OLFM3: variants seen among roughly 807,000 people sequenced by gnomAD.
OLFM3 encodes olfactomedin 3.
A neutral mutation model predicts 48.6 loss-of-function variants in OLFM3; 20 were observed. The observed-to-expected ratio is 0.41, with a 90% CI of 0.29 to 0.60. The LOEUF (loss-of-function observed/expected upper bound fraction) is 0.60. OLFM3 is among the 20% of genes least tolerant of loss of function. The probability of loss-of-function intolerance (pLI) is 0.28; values close to 1 mark genes in which losing one functional copy is unlikely to be tolerated. For missense variants in OLFM3, 437 were observed against 544.3 expected (o/e 0.80, Z 1.96); for synonymous variants, 222 against 198.1 (o/e 1.12, Z -1.01).
At chr1:101,824,505 T>C (rs1654755094) in intron 4 of OLFM3, among the ~76,000 whole-genome samples, 1 of 152,154 alleles carries the variant, frequency 6.6e-6, no homozygotes, top group South Asian at 2.1e-4. Context: ...CACCTTTTCA[T>C]TTCTTGAGTA....
chr1:101,990,901 C>T (rs1013282701), intron 1 of OLFM3, among the ~76,000 whole-genome samples: 36 of 143,324 alleles, frequency 2.5e-4, no homozygotes, highest in Middle Eastern at 3.8e-3. Context: ...AGGAGAATGG[C>T]GTGAACCCAG....
chr1:101,917,695 G>T (rs1284026065), intron 1 of OLFM3, among the ~76,000 whole-genome samples: 1 of 152,114 alleles, frequency 6.6e-6, no homozygotes, highest in Non-Finnish European at 1.5e-5. Context: ...GGGATTATGG[G>T]CATGAGCCAC....
intron 1 of OLFM3, among the ~76,000 whole-genome samples, chr1:101,894,470 G>A (rs1274687331): frequency 6.6e-6 from 1 of 152,088 alleles, no homozygotes; most frequent in Non-Finnish European, 1.5e-5. Context: ...TAGTAAATCA[G>A]TGGGGCTATT....
chr1:101,894,316 A>G (rs1018524353), intron 1 of OLFM3, among the ~76,000 whole-genome samples: 1 of 152,194 alleles, frequency 6.6e-6, no homozygotes, highest in African/African-American at 2.4e-5. Flanking sequence ...AACACAGAGA[A>G]CCAGAAATAC....
chr1:101,976,899 T>C (rs1356658262), intron 1 of OLFM3, among the ~76,000 whole-genome samples: 1 of 152,216 alleles, frequency 6.6e-6, no homozygotes, highest in Non-Finnish European at 1.5e-5. Context: ...CTTGGTTTGA[T>C]AGTAAGGTAT....
chr1:101,844,723 C>A (rs2185618), intron 1 of OLFM3, among the ~76,000 whole-genome samples: 15,427 of 152,124 alleles, frequency 0.1, 942 homozygotes, highest in South Asian at 0.2. Flanking sequence ...CTCTCCCAAT[C>A]ATTTATTATC....
At chr1:101,837,527 T>A (rs1263579281) in intron 1 of OLFM3, 2 of 152,220 alleles carry the variant, frequency 1.3e-5, no homozygotes, top group Non-Finnish European at 2.9e-5. Context: ...AAAGAGATCA[T>A]TGACGACATA....
intron 1 of OLFM3, among the ~76,000 whole-genome samples, chr1:101,966,208 C>T (rs925867894): frequency 6.6e-6 from 1 of 151,892 alleles, no homozygotes; most frequent in Non-Finnish European, 1.5e-5. Flanking sequence ...GGGTCTTGCC[C>T]TGCTGAAGTG....
chr1:101,973,769 A>G (rs1660873780), intron 1 of OLFM3, among the ~76,000 whole-genome samples: 1 of 152,242 alleles, frequency 6.6e-6, no homozygotes, highest in South Asian at 2.1e-4. Flanking sequence ...ATAGGCCTAT[A>G]GTAGAAAGTA....
chr1:101,941,889 C>A (rs1455239062), intron 1 of OLFM3, among the ~76,000 whole-genome samples: 1 of 152,140 alleles, frequency 6.6e-6, no homozygotes, highest in Non-Finnish European at 1.5e-5. Context: ...AAAAAGATAC[C>A]AGTAAAACTA....
intron 1 of OLFM3, among the ~76,000 whole-genome samples, chr1:101,952,763 A>G (rs1321908481): frequency 6.6e-6 from 1 of 152,102 alleles, no homozygotes; most frequent in Non-Finnish European, 1.5e-5. Context: ...ATTCACACAA[A>G]GGCTTTGGAG....
intron 1 of OLFM3, among the ~76,000 whole-genome samples, chr1:101,974,893 CA>C (rs1660908519): frequency 6.6e-6 from 1 of 152,146 alleles, no homozygotes; most frequent in African/African-American, 2.4e-5. Flanking sequence ...GAATGTGAAA[CA>C]TTTTTTTTGT....
intron 1 of OLFM3, among the ~76,000 whole-genome samples, chr1:101,841,205 C>T (rs995404186): frequency 1.3e-5 from 2 of 152,152 alleles, no homozygotes; most frequent in African/African-American, 4.8e-5. Flanking sequence ...AACTACCTTG[C>T]ATTTCAATAG....
chr1:101,822,077 G>A (rs113428954), intron 4 of OLFM3, among the ~76,000 whole-genome samples: 18 of 152,168 alleles, frequency 1.2e-4, no homozygotes, highest in Admixed American at 3.3e-4. Context: ...GGATGAATGC[G>A]TGCCTACTTA....
chr1:101,984,016 A>T (rs1170978976), intron 1 of OLFM3, among the ~76,000 whole-genome samples: 1 of 152,132 alleles, frequency 6.6e-6, no homozygotes, highest in Admixed American at 6.5e-5. Context: ...ATGGGAGGCC[A>T]AAGTGGGCAG....
intron 1 of OLFM3, among the ~76,000 whole-genome samples, chr1:101,907,537 C>T (rs17125708): frequency 0.01 from 1,536 of 152,272 alleles, 26 homozygotes; most frequent in African/African-American, 0.034. Context: ...ATTGCAGAAG[C>T]GACCCAGGAC....
intron 1 of OLFM3, among the ~76,000 whole-genome samples, chr1:101,958,387 G>A (rs1198173579): frequency 6.6e-6 from 1 of 151,956 alleles, no homozygotes; most frequent in African/African-American, 2.4e-5. Flanking sequence ...TGATGTTATT[G>A]ATCCTGTTCT....
intron 4 of OLFM3, among the ~76,000 whole-genome samples, chr1:101,807,344 C>A (rs868310130): frequency 3.3e-5 from 5 of 151,704 alleles, no homozygotes; most frequent in Admixed American, 6.6e-5. Flanking sequence ...CCATTTATAT[C>A]ATGTTATTTT....
intron 4 of OLFM3, among the ~76,000 whole-genome samples, chr1:101,809,839 A>C (rs1373759789): frequency 6.6e-6 from 1 of 151,962 alleles, no homozygotes; most frequent in Admixed American, 6.6e-5. Context: ...CTTAAAGAGG[A>C]AGGAAATGTG....
Sources: allele counts gnomAD v4.1 joint callset (sites outside exome capture counted in the v4.1 genomes callset), GRCh38; gene constraint gnomAD v4.1.1; transcripts MANE v1.5; gene names NCBI Gene and HGNC (gene_info 2026-07-23, HGNC 2026-07-21).